Variants in PCED1A observed in about 807,000 individuals in gnomAD.
PCED1A encodes PC-esterase domain-containing protein 1A.
Under a neutral mutation model 41.9 loss-of-function variants are expected in PCED1A, and 20 were observed. The ratio of observed to expected loss-of-function variants is 0.48; its 90% CI spans 0.34 to 0.69. The LOEUF (loss-of-function observed/expected upper bound fraction) is 0.69. Ranked by LOEUF, PCED1A falls within the 30% of genes least tolerant of loss-of-function variation. PCED1A has a pLI of 0.01. For missense variants in PCED1A, 498 were observed against 602.1 expected (o/e 0.83, Z 1.81); for synonymous variants, 236 against 241.3 (o/e 0.98, Z 0.20).
Position 2,838,051 on chromosome 20 carries a change from C to A in PCED1A, c.841+181G>T, listed in dbSNP as rs1393123022. Among the ~76,000 whole-genome samples, 1 of 152,216 alleles carries A rather than the reference C, an allele frequency of 6.6e-6. No individual in the cohort carries two copies. The highest frequency in any genetic ancestry group is 1.5e-5 in the Non-Finnish European group (1 of 68,042). On this transcript the variant is annotated intron_variant, in intron 6 of 7. Coordinates refer to ENST00000360652, the MANE Select transcript of PCED1A (RefSeq NM_022760.6). The surrounding 1 kb of genome is among the most constrained non-coding windows in gnomAD (Gnocchi z 5.8). ...AGACTGTAGAAAACTGGAACTTGGA[C>A]AAGAATATTGCTCCGATGATCTAAC...
At chr20:2,841,125 C>T, upstream of PCED1A, 1 of 474,704 alleles carries the variant, frequency 2.1e-6, no homozygotes, top group Non-Finnish European at 3.7e-6. Context: ...ACAGCGAGTG[C>T]CCAGTCTCCT....
Position 2,836,408 on chromosome 20 carries a change from G to A in PCED1A, c.842-94C>T, listed in dbSNP as rs79089526. ...TTCTAAAGCTCTATTCCTTCCTCTT[G>A]GAGAGCAGAGCCACCAGGCTGGAGC... On this transcript the variant is annotated intron_variant, in intron 6 of 7. Coordinates refer to ENST00000360652, the MANE Select transcript of PCED1A (RefSeq NM_022760.6). 7 of 1,114,068 alleles carry A rather than the reference G, an allele frequency of 6.3e-6. No individual in the cohort carries two copies. The African/African-American group carries it at 1.1e-4, about 17-fold the overall frequency. 69.0% of individuals were successfully genotyped at this position (1,114,068 alleles called of 1,614,324 possible). A position where few individuals can be genotyped will look rare whatever the true frequency, so the allele number is the denominator to read the frequency against.
chr20:2,835,656 C>T lies in PCED1A; in HGVS notation c.1171G>A (p.Gly391Ser). 6.3e-7 allele frequency: 1 copy of T among 1,595,812 alleles called. No individual in the cohort carries two copies. The highest frequency in any genetic ancestry group is 8.6e-7 in the Non-Finnish European group (1 of 1,166,792). Residue 391 changes from glycine to serine, a missense_variant, in exon 8 of 8, where the codon GGC becomes AGC. Gly to Ser is a moderately conservative substitution (Grantham distance 56). Transcript: ENST00000360652. ...VPGPLPPPIP[G>S]PNPHGQHWGP... ...CAGTGCTGACCATGGGGATTAGGGC[C>T]AGGGATTGGAGGTGGCAGAGGGCCA...
rs1177259447 is a variant in PCED1A, at chr20:2,838,823, T to C, written c.443+21A>G. The C allele has an allele frequency of 6.2e-7, 1 of 1,613,988 alleles. No individual in the cohort carries two copies. Among genetic ancestry groups the C allele is most frequent in the South Asian group, 1.1e-5 (1 of 91,078 alleles). On this transcript the variant is annotated intron_variant, in intron 4 of 7. Transcript: ENST00000360652. The surrounding 1 kb of genome is among the most constrained non-coding windows in gnomAD (Gnocchi z 5.8). ...CCGTACTTCCAGCCCCAACCAGTAT[T>C]CCCCTTTCCCTCGCCCCAACCTGGA... is the stretch of plus-strand genomic sequence containing the variant.
intron 6 of PCED1A, among the ~76,000 whole-genome samples, chr20:2,837,701 G>T (rs1048113834): frequency 3.7e-4 from 57 of 152,152 alleles, no homozygotes; most frequent in African/African-American, 1.3e-3. Flanking sequence ...ACACCAAGCT[G>T]CACCAGTCAC....
At position 2,835,585 on chromosome 20, in the gene PCED1A, G is replaced by T; in HGVS notation, c.1242C>A (p.Ser414Arg). The T allele has an allele frequency of 6.2e-7, 1 of 1,614,198 alleles. No individual in the cohort carries two copies. Among genetic ancestry groups the T allele is most frequent in the Non-Finnish European group, 8.5e-7 (1 of 1,180,016 alleles). ...HRGMPRYVPN[S>R]PYHVRRMGGP... is the part of the protein sequence containing the mutation. ...CCCCCATTCTCCGCACATGGTAGGG[G>T]CTGTTAGGAACATAGCGTGGCATCC... The change falls in exon 8 of 8, where the codon AGC (serine) becomes AGA (arginine). Residue 414 changes from serine (S) to arginine (R), a missense_variant. Physicochemically the swap from Ser to Arg is moderately radical, Grantham distance 110. Around this residue, in one of 2 missense-constraint regions of PCED1A, gnomAD observed 245 missense variants for 232.4 expected, o/e 1.05. Transcript: ENST00000360652.
intron 6 of PCED1A, among the ~76,000 whole-genome samples, chr20:2,837,719 C>T (rs1486349335): frequency 6.6e-6 from 1 of 152,152 alleles, no homozygotes; most frequent in East Asian, 1.9e-4. Context: ...CACAGTGGGA[C>T]TCTGAGGCTG....
In PCED1A at chr20:2,838,985, G is replaced by A. The variant is rs765996867; in HGVS notation, c.302C>T (p.Ser101Leu). The part of the protein sequence containing the change: ...TQYREVRQFC[S>L]GSGHHLVRFY... ...GCGCACAAGGTGGTGGCCAGAGCCC[G>A]AGCAGAACTGGCGGACCTCACGATA... Residue 101 changes from serine (S) to leucine (L), a missense_variant, in exon 4 of 8, where the codon TCG (serine) becomes TTG (leucine). By Grantham distance (145) the Ser-to-Leu change is moderately radical (BLOSUM62 -2). Around this residue, in one of 2 missense-constraint regions of PCED1A, gnomAD observed 253 missense variants for 369.7 expected, o/e 0.68. Transcript: ENST00000360652. This position sits in a 1 kb window ranked among gnomAD's most constrained non-coding sequence, Gnocchi z 5.8. 8.1e-6 allele frequency: 13 copies of A among 1,613,866 alleles called. No individual in the cohort carries two copies. Among genetic ancestry groups the A allele is most frequent in the East Asian group, 6.7e-5 (3 of 44,888 alleles).
rs868726822 is a variant in PCED1A, at chr20:2,836,098, G to T, written c.1058C>A (p.Pro353Gln). The T allele has an allele frequency of 3.9e-6, 6 of 1,549,550 alleles. No homozygotes were observed. In the Admixed American group the frequency reaches 1.2e-4, roughly 31 times the overall value. Reference sequence around the variant, plus strand: ...ATTATAGTTGAAGAATTCATGGGGTGGGAAGGGCTGGCCTGGGAAAAAAGG... The same window carrying T: ...ATTATAGTTGAAGAATTCATGGGGTTGGAAGGGCTGGCCTGGGAAAAAAGG... The part of the protein sequence containing the change: ...DTPFFPGQPF[P>Q]PHEFFNYNPV... Residue 353 changes from proline (P) to glutamine (Q), a missense_variant, in exon 7 of 8, where the codon CCA becomes CAA. Physicochemically the swap from Pro to Gln is moderately conservative, Grantham distance 76. Coordinates refer to ENST00000360652, the MANE Select transcript of PCED1A (RefSeq NM_022760.6).
chr20:2,840,053 G>A, intron 1 of PCED1A, 120 bp from the exon 2 acceptor site: 1 of 1,093,896 alleles, frequency 9.1e-7, no homozygotes, highest in Non-Finnish European at 1.3e-6. Flanking sequence ...CAGAGCCATG[G>A]TGGCGCCAGC....
At chr20:2,835,833 C>T (rs979918212) in intron 7 of PCED1A, 124 bp from the exon 8 acceptor site, 2 of 1,471,920 alleles carry the variant, frequency 1.4e-6, no homozygotes, top group South Asian at 1.4e-5. Context: ...AAGGGATAGT[C>T]CTTCCCCTAC....
In PCED1A at chr20:2,835,648, A is replaced by G; in HGVS notation, c.1179T>C (p.Asn393=). 1 of 1,601,384 alleles carries G rather than the reference A, an allele frequency of 6.2e-7. No individual in the cohort carries two copies. Among genetic ancestry groups the G allele is most frequent in the East Asian group, 2.2e-5 (1 of 44,512 alleles). The change falls in exon 8 of 8, where the codon AAT becomes AAC. Residue 393 remains asparagine (N), a synonymous_variant. Transcript: ENST00000360652. The part of the protein sequence containing the change: ...GPLPPPIPGP[N]PHGQHWGPVV... Reference sequence around the variant, plus strand: ...CTGGGCCCCAGTGCTGACCATGGGGATTAGGGCCAGGGATTGGAGGTGGCA... The same window carrying G: ...CTGGGCCCCAGTGCTGACCATGGGGGTTAGGGCCAGGGATTGGAGGTGGCA...
chr20:2,841,003 C>G (rs1276608028), upstream of PCED1A: 2 of 615,918 alleles, frequency 3.2e-6, no homozygotes, highest in Non-Finnish European at 2.8e-6. Context: ...GCCGGGCCTT[C>G]CCCTGCTCCA....
At chr20:2,840,750 T>A, upstream of PCED1A, 9 of 1,547,790 alleles carry the variant, frequency 5.8e-6, no homozygotes, top group Non-Finnish European at 7.9e-6. Context: ...CCCTCGGTGC[T>A]TCCCAGCTGC....
In PCED1A at chr20:2,838,908, C is replaced by G. The variant is rs745927668; in HGVS notation, c.379G>C (p.Glu127Gln). 6.2e-7 allele frequency: 1 copy of G among 1,613,972 alleles called. No individual in the cohort carries two copies. Among genetic ancestry groups the G allele is most frequent in the Non-Finnish European group, 8.5e-7 (1 of 1,180,036 alleles). Reference protein sequence around the residue: ...YSEYLEDVLEELTYGPAPDLV... With the variant: ...YSEYLEDVLEQLTYGPAPDLV... ...TCCGGGGCAGGTCCATATGTCAGCT[C>G]TTCCAGAACATCCTCAAGGTACTCG... The change falls in exon 4 of 8, where the codon GAG becomes CAG. Residue 127 changes from glutamate to glutamine, a missense_variant. Around this residue, in one of 2 missense-constraint regions of PCED1A, gnomAD observed 253 missense variants for 369.7 expected, o/e 0.68. Coordinates refer to ENST00000360652, the MANE Select transcript of PCED1A (RefSeq NM_022760.6). The surrounding 1 kb of genome is among the most constrained non-coding windows in gnomAD (Gnocchi z 5.8).
intron 6 of PCED1A, 92 bp from the exon 7 acceptor site, chr20:2,836,406 T>C (rs2088836609): frequency 8.6e-7 from 1 of 1,167,110 alleles, no homozygotes; most frequent in South Asian, 1.3e-5. Flanking sequence ...TTCCTTCCTC[T>C]TGGAGAGCAG....
Position 2,838,984 on chromosome 20 carries a change from C to A in PCED1A, c.303G>T (p.Ser101=), listed in dbSNP as rs138501389. Residue 101 remains serine, a synonymous_variant, in exon 4 of 8, where the codon TCG becomes TCT. Transcript: ENST00000360652. The surrounding 1 kb of genome is among the most constrained non-coding windows in gnomAD (Gnocchi z 5.8). ...TQYREVRQFC[S]GSGHHLVRFY... ...AGCGCACAAGGTGGTGGCCAGAGCCCGAGCAGAACTGGCGGACCTCACGAT... is the reference window on the plus strand; with the variant it reads ...AGCGCACAAGGTGGTGGCCAGAGCCAGAGCAGAACTGGCGGACCTCACGAT... 7 of 1,613,832 alleles carry A rather than the reference C, an allele frequency of 4.3e-6. No homozygotes were observed. Among genetic ancestry groups the A allele is most frequent in the Admixed American group, 1.7e-5 (1 of 59,992 alleles).
At position 2,840,593 on chromosome 20, in the gene PCED1A, C is replaced by T. The variant is rs563307169; in HGVS notation, c.-404G>A. 12 of 649,312 alleles carry T rather than the reference C, an allele frequency of 1.8e-5. No homozygotes were observed. Among genetic ancestry groups the T allele is most frequent in the Non-Finnish European group, 2.9e-5 (11 of 377,094 alleles). 40.2% of individuals were successfully genotyped at this position (649,312 alleles called of 1,614,324 possible). A position where few individuals can be genotyped will look rare whatever the true frequency, so the allele number is the denominator to read the frequency against. On this transcript the variant is annotated 5_prime_UTR_variant, in exon 1 of 8. Transcript: ENST00000360652. ...GCCAGGGCTGGGCCCACTTGGCGGG[C>T]GCGAAGCCCAGGTACGGGCTGGGGT... is the stretch of plus-strand genomic sequence containing the variant.
At position 2,836,189 on chromosome 20, in the gene PCED1A, G is replaced by C. The variant is rs555113168; in HGVS notation, c.967C>G (p.Pro323Ala). 3 of 1,610,960 alleles carry C rather than the reference G, an allele frequency of 1.9e-6. No homozygotes were observed. The South Asian group carries it at 3.3e-5, about 18-fold the overall frequency. The change falls in exon 7 of 8, where the codon CCT (proline) becomes GCT (alanine). Residue 323 changes from proline to alanine, a missense_variant. By Grantham distance (27) the Pro-to-Ala change is conservative. Transcript: ENST00000360652. ...PPPSSLPPPM[P>A]FPYPLPQPSP... ...GGCTGAGGAAGCGGGTAGGGAAAAG[G>C]CATGGGAGGAGGCAAAGAAGAAGGT...
Sources: allele counts gnomAD v4.1 joint callset (sites outside exome capture counted in the v4.1 genomes callset), GRCh38; gene constraint gnomAD v4.1.1; regional missense constraint gnomAD v4.1.1; non-coding constraint Gnocchi (gnomAD v3.1); transcripts MANE v1.5; gene names NCBI Gene and HGNC (gene_info 2026-07-23, HGNC 2026-07-21).